The following CDKAL1 variants were observed in gnomAD, a reference collection of about 807,000 sequenced individuals.
CDKAL1 encodes the protein threonylcarbamoyladenosine tRNA methylthiotransferase.
Under a neutral mutation model 68.2 loss-of-function variants are expected in CDKAL1, and 32 were observed. The observed-to-expected ratio is 0.47, with a 90% CI of 0.35 to 0.63. CDKAL1 has a LOEUF of 0.63. CDKAL1 is among the 30% of genes least tolerant of loss of function. The probability of loss-of-function intolerance (pLI) is 0.00; values close to 1 mark genes in which losing one functional copy is unlikely to be tolerated. For synonymous variants in CDKAL1, 234 were observed against 244.3 expected, an observed-to-expected ratio of 0.96 and a Z score of 0.39; for missense variants, 606 against 696.7, an observed-to-expected ratio of 0.87 and a Z score of 1.47.
At chr6:20,773,740 G>T (rs1267472939) in intron 7 of CDKAL1, among the ~76,000 whole-genome samples, 2 of 152,000 alleles carry the variant, frequency 1.3e-5, no homozygotes, top group African/African-American at 2.4e-5. Context: ...TAGAGATGGG[G>T]TTTCACCGTG....
intron 15 of CDKAL1, among the ~76,000 whole-genome samples, chr6:21,218,967 G>C (rs1257851411): frequency 2.0e-5 from 3 of 152,054 alleles, no homozygotes; most frequent in Non-Finnish European, 2.9e-5. Context: ...CTAATTTTAA[G>C]TGCCTTTCCA....
At chr6:20,931,130 C>G (rs775552182) in intron 9 of CDKAL1, among the ~76,000 whole-genome samples, 3 of 152,198 alleles carry the variant, frequency 2.0e-5, no homozygotes, top group African/African-American at 7.2e-5. Flanking sequence ...AACAGTAGAA[C>G]CAGAATTCTA....
At chr6:21,186,869 C>G (rs895336887) in intron 13 of CDKAL1, among the ~76,000 whole-genome samples, 1 of 152,106 alleles carries the variant, frequency 6.6e-6, no homozygotes, top group Non-Finnish European at 1.5e-5. Context: ...GAGCAGCCCT[C>G]TCCAATAAAA....
chr6:21,034,256 T>C (rs1561977830), intron 11 of CDKAL1, among the ~76,000 whole-genome samples: 4 of 152,120 alleles, frequency 2.6e-5, no homozygotes, highest in African/African-American at 9.7e-5. Context: ...GGAAGGAAGA[T>C]ACAGAAGATG....
intron 10 of CDKAL1, among the ~76,000 whole-genome samples, chr6:20,960,897 A>G (rs574497809): frequency 1.3e-5 from 2 of 152,352 alleles, no homozygotes; most frequent in East Asian, 3.9e-4. Context: ...TCTAGAACAA[A>G]TGAGCTTATT....
At chr6:20,563,193 T>C (rs1764332881) in intron 4 of CDKAL1, among the ~76,000 whole-genome samples, 1 of 152,228 alleles carries the variant, frequency 6.6e-6, no homozygotes, top group South Asian at 2.1e-4. Context: ...GAATCAAAGA[T>C]AAAGATAGAT....
At chr6:20,902,458 G>A (rs1392409491) in intron 9 of CDKAL1, among the ~76,000 whole-genome samples, 4 of 152,120 alleles carry the variant, frequency 2.6e-5, no homozygotes, top group African/African-American at 7.2e-5. Context: ...AAGGTACAAT[G>A]TACTGAACAT....
Position 20,945,071 on chromosome 6 carries a change from TACAC to T in CDKAL1, c.743-10326_743-10323del, listed in dbSNP as rs141227225. Among the ~76,000 whole-genome samples, 697 of 150,382 alleles carry T rather than the reference TACAC, an allele frequency of 4.6e-3. 6 individuals are homozygous for T. The highest frequency in any genetic ancestry group is 0.015 in the African/African-American group (628 of 41,024). On this transcript the variant is annotated intron_variant, in intron 9 of 15. Transcript: ENST00000274695. ...AACAGTGCATATGTGCACACACACGTACACACACACACACACACACACACAACCT... is the reference window on the plus strand; with the variant it reads ...AACAGTGCATATGTGCACACACACGTACACACACACACACACACACAACCT...
intron 12 of CDKAL1, among the ~76,000 whole-genome samples, chr6:21,069,298 A>G (rs1041459858): frequency 6.6e-6 from 1 of 152,158 alleles, no homozygotes; most frequent in East Asian, 1.9e-4. Context: ...TAGCTTTGGA[A>G]TTAGTAAAGT....
At chr6:20,984,678 C>G (rs956439158) in intron 10 of CDKAL1, among the ~76,000 whole-genome samples, 1 of 152,138 alleles carries the variant, frequency 6.6e-6, no homozygotes, top group African/African-American at 2.4e-5. Context: ...GTAATCTCCT[C>G]TCCGAAGCTA....
At chr6:20,885,626 A>G (rs1761030337) in intron 9 of CDKAL1, among the ~76,000 whole-genome samples, 1 of 152,212 alleles carries the variant, frequency 6.6e-6, no homozygotes, top group African/African-American at 2.4e-5. Context: ...CACCAAAAGC[A>G]CAAGCAACAA....
At chr6:20,975,970 C>T (rs1343403548) in intron 10 of CDKAL1, among the ~76,000 whole-genome samples, 2 of 152,116 alleles carry the variant, frequency 1.3e-5, no homozygotes, top group Non-Finnish European at 2.9e-5. Context: ...CACGTACCCA[C>T]CGTTATAGTA....
chr6:20,589,756 A>G (rs925663085), intron 4 of CDKAL1, among the ~76,000 whole-genome samples: 4 of 152,118 alleles, frequency 2.6e-5, no homozygotes, highest in Admixed American at 2.6e-4. Context: ...TTATATTATT[A>G]GTTTTTCTCA....
At chr6:20,939,221 G>T (rs1763863580) in intron 9 of CDKAL1, among the ~76,000 whole-genome samples, 2 of 152,140 alleles carry the variant, frequency 1.3e-5, no homozygotes, top group Non-Finnish European at 2.9e-5. Context: ...TAGTATGTTA[G>T]AGGTACTTCT....
intron 5 of CDKAL1, among the ~76,000 whole-genome samples, chr6:20,698,039 C>T (rs964658771): frequency 1.1e-4 from 17 of 152,254 alleles, no homozygotes; most frequent in African/African-American, 2.2e-4. Flanking sequence ...TTGTTTTATA[C>T]GCAAATCCTT....
chr6:21,122,804 T>G (rs1226307390), intron 13 of CDKAL1, among the ~76,000 whole-genome samples: 1 of 42,358 alleles, frequency 2.4e-5, no homozygotes, highest in East Asian at 1.7e-3. Context: ...CCCAGTTAGG[T>G]TTTTTTTTTT....
chr6:20,839,879 T>C (rs1234907306), intron 8 of CDKAL1, among the ~76,000 whole-genome samples: 1 of 152,206 alleles, frequency 6.6e-6, no homozygotes, highest in Non-Finnish European at 1.5e-5. Context: ...ACCAAGAGAT[T>C]TGTGTATTTA....
chr6:20,665,152 C>T (rs1216343902), intron 5 of CDKAL1, among the ~76,000 whole-genome samples: 2 of 151,974 alleles, frequency 1.3e-5, no homozygotes, highest in Admixed American at 6.6e-5. Context: ...TCTTAGCTCT[C>T]CCATAGACCT....
rs116424030 is a variant in CDKAL1 at position 20,805,465 on chromosome 6, C to G, written c.638+24200C>G. 7.8e-3 allele frequency among the ~76,000 whole-genome samples: 1,185 copies of G among 152,300 alleles called. 12 individuals carry two copies. Among genetic ancestry groups the G allele is most frequent in the African/African-American group, 0.027 (1,133 of 41,552 alleles). The stretch of plus-strand genomic sequence containing the variant: ...TTTTTTATTAGCAGGGCATACCCAT[C>G]ATGCCAAAATAAAAGCATAGTTTGA... On this transcript the variant is annotated intron_variant, in intron 8 of 15. Transcript: ENST00000274695.
Sources: allele counts gnomAD v4.1 joint callset (sites outside exome capture counted in the v4.1 genomes callset), GRCh38; gene constraint gnomAD v4.1.1; transcripts MANE v1.5; gene names NCBI Gene and HGNC (gene_info 2026-07-23, HGNC 2026-07-21).